FAT3: variants seen among roughly 807,000 people sequenced by gnomAD.
The protein encoded by FAT3 is FAT atypical cadherin 3.
FAT3 carries 95 observed loss-of-function variants against 310.2 expected under a neutral mutation model. The observed-to-expected ratio is 0.31, with a 90% CI of 0.26 to 0.36. The LOEUF (loss-of-function observed/expected upper bound fraction) is 0.36, where lower values mean the gene tolerates loss of function less well. Ranked by LOEUF, FAT3 falls within the 10% of genes least tolerant of loss-of-function variation. The probability of loss-of-function intolerance (pLI) is 1.00; values close to 1 mark genes in which losing one functional copy is unlikely to be tolerated. For synonymous variants in FAT3, 2,314 were observed against 2,192.9 expected (o/e 1.06, Z -1.54); for missense variants, 5,408 against 5,715.6 (o/e 0.95, Z 1.74).
intron 2 of FAT3, among the ~76,000 whole-genome samples, chr11:92,473,957 C>G (rs550639773): frequency 1.3e-5 from 2 of 152,202 alleles, no homozygotes; most frequent in Non-Finnish European, 2.9e-5. Context: ...CAGGACACGT[C>G]TGCTGCCAGC....
Position 92,696,936 on chromosome 11 carries a change from A to G in FAT3, c.3608-448A>G, listed in dbSNP as rs150120403. On this transcript the variant is annotated intron_variant, in intron 3 of 27. Coordinates refer to ENST00000525166, the MANE Select transcript of FAT3 (RefSeq NM_001367949.2). ...GCGATTACAACATTCTTTGTCAAGT[A>G]TAACAAAAATTATATGTGCATATAA... is the stretch of plus-strand genomic sequence containing the variant. Among the ~76,000 whole-genome samples the G allele has an allele frequency of 7.4e-3, 1,121 of 152,346 alleles. 13 individuals are homozygous for G. Among genetic ancestry groups the G allele is most frequent in the African/African-American group, 0.026 (1,064 of 41,578 alleles).
At chr11:92,236,929 A>C (rs1864446610) in intron 1 of FAT3, among the ~76,000 whole-genome samples, 1 of 152,266 alleles carries the variant, frequency 6.6e-6, no homozygotes, top group Non-Finnish European at 1.5e-5. Flanking sequence ...GTACATGTCT[A>C]TAAGCAGATG....
chr11:92,868,960 G>A (rs773443868), intron 22 of FAT3, among the ~76,000 whole-genome samples: 13 of 152,084 alleles, frequency 8.5e-5, no homozygotes, highest in Non-Finnish European at 1.9e-4. Context: ...ATATAACCTA[G>A]AGAACTTGTC....
At chr11:92,582,781 T>G (rs1329641513) in intron 3 of FAT3, among the ~76,000 whole-genome samples, 1 of 152,052 alleles carries the variant, frequency 6.6e-6, no homozygotes, top group Admixed American at 6.6e-5. Context: ...CTGGGTCATC[T>G]TCAGATCTGC....
At chr11:92,797,752 A>C in intron 9 of FAT3, 84 bp from the exon 10 acceptor site, 3 of 1,161,732 alleles carry the variant, frequency 2.6e-6, no homozygotes, top group African/African-American at 1.5e-5. Context: ...ACATTGCAGT[A>C]AGGTACCTAT....
chr11:92,409,405 A>C (rs1401304263), intron 2 of FAT3, among the ~76,000 whole-genome samples: 1 of 152,144 alleles, frequency 6.6e-6, no homozygotes, highest in African/African-American at 2.4e-5. Context: ...ATTTCAATAC[A>C]TTTGTAAATT....
chr11:92,828,011 A>G (rs567102909), intron 13 of FAT3, among the ~76,000 whole-genome samples: 1 of 152,296 alleles, frequency 6.6e-6, no homozygotes, highest in East Asian at 1.9e-4. Context: ...AGAGAATTAC[A>G]TAGTTAAAAA....
At chr11:92,818,652 G>A (rs920813531) in intron 13 of FAT3, among the ~76,000 whole-genome samples, 2 of 152,200 alleles carry the variant, frequency 1.3e-5, no homozygotes, top group African/African-American at 4.8e-5. Flanking sequence ...AAGCTCTGAT[G>A]ATTAGTGACC....
intron 3 of FAT3, among the ~76,000 whole-genome samples, chr11:92,552,463 T>G (rs1248468613): frequency 1.3e-5 from 2 of 152,216 alleles, no homozygotes; most frequent in African/African-American, 4.8e-5. Flanking sequence ...AAAAATATTC[T>G]ATTTTTGGTT....
chr11:92,515,136 C>A (rs1282812518), intron 2 of FAT3, among the ~76,000 whole-genome samples: 2 of 152,078 alleles, frequency 1.3e-5, no homozygotes, highest in Non-Finnish European at 2.9e-5. Flanking sequence ...TTATTGAGTG[C>A]CTACTATATG....
chr11:92,302,650 T>C (rs1947029534), intron 1 of FAT3, among the ~76,000 whole-genome samples: 1 of 152,108 alleles, frequency 6.6e-6, no homozygotes, highest in African/African-American at 2.4e-5. Flanking sequence ...AACATTTTTT[T>C]TTCATACTGG....
intron 1 of FAT3, among the ~76,000 whole-genome samples, chr11:92,241,125 C>G (rs951619429): frequency 1.3e-5 from 2 of 152,076 alleles, no homozygotes; most frequent in African/African-American, 2.4e-5. Context: ...TGCTCTAGCC[C>G]TGGTATCTAC....
At chr11:92,398,496 G>A (rs1359117235) in intron 2 of FAT3, among the ~76,000 whole-genome samples, 12 of 99,228 alleles carry the variant, frequency 1.2e-4, no homozygotes, top group African/African-American at 2.4e-4. Flanking sequence ...GTGTAACTCC[G>A]TCCCAAAAAA....
chr11:92,718,366 G>T (rs987998977), intron 4 of FAT3, among the ~76,000 whole-genome samples: 1 of 152,120 alleles, frequency 6.6e-6, no homozygotes, highest in Non-Finnish European at 1.5e-5. Flanking sequence ...GGGGTTATAT[G>T]GTGGGTGGGG....
intron 2 of FAT3, among the ~76,000 whole-genome samples, chr11:92,435,568 C>CT (rs375065009): frequency 0.014 from 1,301 of 92,638 alleles, 13 homozygotes; most frequent in African/African-American, 0.03. Flanking sequence ...TATTCTTTCT[C>CT]TTTTTTTTTT....
At chr11:92,517,022 G>A (rs192967160) in intron 2 of FAT3, among the ~76,000 whole-genome samples, 1 of 152,316 alleles carries the variant, frequency 6.6e-6, no homozygotes, top group East Asian at 1.9e-4. Flanking sequence ...CTCATGGATA[G>A]GAAGAATAAA....
chr11:92,705,205 G>A (rs1944233249), intron 4 of FAT3, among the ~76,000 whole-genome samples: 1 of 152,140 alleles, frequency 6.6e-6, no homozygotes, highest in Non-Finnish European at 1.5e-5. Flanking sequence ...TAAAATTCAT[G>A]TCATTCTTAA....
At chr11:92,561,440 G>A (rs1354012055) in intron 3 of FAT3, among the ~76,000 whole-genome samples, 2 of 152,034 alleles carry the variant, frequency 1.3e-5, no homozygotes, top group African/African-American at 4.8e-5. Flanking sequence ...CTAAGCATTT[G>A]AAAATACTTG....
At chr11:92,507,772 T>C (rs937894213) in intron 2 of FAT3, among the ~76,000 whole-genome samples, 2 of 151,816 alleles carry the variant, frequency 1.3e-5, no homozygotes, top group Non-Finnish European at 2.9e-5. Context: ...TACACACATA[T>C]ACACACATCC....
Sources: allele counts gnomAD v4.1 joint callset (sites outside exome capture counted in the v4.1 genomes callset), GRCh38; gene constraint gnomAD v4.1.1; transcripts MANE v1.5; gene names NCBI Gene and HGNC (gene_info 2026-07-23, HGNC 2026-07-21).